Variants in PLXNC1 observed in about 807,000 individuals in gnomAD.
PLXNC1 encodes plexin C1.
PLXNC1 carries 75 observed loss-of-function variants against 178.2 expected under a neutral mutation model. The observed-to-expected ratio is 0.42, with a 90% CI of 0.35 to 0.51. PLXNC1 has a LOEUF of 0.51. Among genes scored for constraint, PLXNC1 ranks in the 20% least tolerant of loss-of-function variants. The pLI is 0.02. For missense variants in PLXNC1, 1,503 were observed against 1,984.4 expected (o/e 0.76, Z 4.61); for synonymous variants, 790 against 779.9 (o/e 1.01, Z -0.22).
intron 4 of PLXNC1, among the ~76,000 whole-genome samples, chr12:94,195,097 G>A (rs538594243): frequency 6.6e-6 from 1 of 152,130 alleles, no homozygotes; most frequent in East Asian, 1.9e-4. Flanking sequence ...GAAGTGGGTG[G>A]AGATGCTGGG....
At chr12:94,244,782 T>C (rs2136057838) in intron 12 of PLXNC1, among the ~76,000 whole-genome samples, 1 of 152,350 alleles carries the variant, frequency 6.6e-6, no homozygotes, top group Non-Finnish European at 1.5e-5. Context: ...AAAAAAGTCC[T>C]CACATTCAAA....
At chr12:94,236,360 CTGTT>C (rs1304477227) in intron 9 of PLXNC1, among the ~76,000 whole-genome samples, 11 of 152,192 alleles carry the variant, frequency 7.2e-5, no homozygotes. Flanking sequence ...GAGAAAATGT[CTGTT>C]TGAGCAGGAT....
intron 1 of PLXNC1, among the ~76,000 whole-genome samples, chr12:94,167,157 G>C (rs1961646879): frequency 6.6e-6 from 1 of 152,164 alleles, no homozygotes; most frequent in Non-Finnish European, 1.5e-5. Context: ...TTTAGCTTTT[G>C]AGCTGCCTCT....
intron 21 of PLXNC1, among the ~76,000 whole-genome samples, chr12:94,268,685 C>G (rs35270825): frequency 6.8e-6 from 1 of 147,614 alleles, no homozygotes; most frequent in Non-Finnish European, 1.5e-5. Context: ...ACCTCCGCCT[C>G]TGGGGTTCAA....
At chr12:94,185,210 C>G (rs955214940) in intron 3 of PLXNC1, among the ~76,000 whole-genome samples, 1 of 152,164 alleles carries the variant, frequency 6.6e-6, no homozygotes, top group African/African-American at 2.4e-5. Flanking sequence ...CATCTGTCAG[C>G]AGTGTTGGGG....
In PLXNC1 at chr12:94,251,213, C is replaced by T. The variant is rs138864521; in HGVS notation, c.2779-213C>T. Among the ~76,000 whole-genome samples, 421 of 152,298 alleles carry T rather than the reference C, an allele frequency of 2.8e-3. 3 individuals are homozygous for T. The highest frequency in any genetic ancestry group is 5.1e-3 in the Non-Finnish European group (345 of 68,016). On this transcript the variant is annotated intron_variant, in intron 14 of 30. Transcript: ENST00000258526. ...TCTGAGGGTCTAGTCCAGCATGTGT[C>T]AACTGACATTTCAGGAAACTGAGGC...
chr12:94,197,977 A>G (rs1261950794), intron 4 of PLXNC1, among the ~76,000 whole-genome samples: 3 of 152,132 alleles, frequency 2.0e-5, no homozygotes, highest in Non-Finnish European at 4.4e-5. Flanking sequence ...CATTCATTTA[A>G]CAGGTATTTA....
At chr12:94,188,544 G>A (rs1447536840) in intron 4 of PLXNC1, among the ~76,000 whole-genome samples, 1 of 152,000 alleles carries the variant, frequency 6.6e-6, no homozygotes, top group African/African-American at 2.4e-5. Flanking sequence ...GGTTGGTCTC[G>A]AACTCCTGAC....
At chr12:94,178,865 C>T (rs2135956364) in intron 2 of PLXNC1, among the ~76,000 whole-genome samples, 1 of 152,292 alleles carries the variant, frequency 6.6e-6, no homozygotes, top group East Asian at 1.9e-4. Flanking sequence ...ACACACCTTT[C>T]CCACCTCCCT....
In PLXNC1 at chr12:94,248,371, A is replaced by G; in HGVS notation, c.2737A>G (p.Lys913Glu). Residue 913 changes from lysine to glutamate, a missense_variant, in exon 14 of 31, where the codon AAG becomes GAG. Around this residue, in one of 4 missense-constraint regions of PLXNC1, gnomAD observed 639 missense variants for 979.7 expected, o/e 0.65. Transcript: ENST00000258526. ...TTILCKIKGI[K>E]TASTIANSSK... ...CATCCTTTGCAAAATTAAAGGCATC[A>G]AGACTGCAAGCACCATTGCCAACTC... 1 of 1,612,138 alleles carries G rather than the reference A, an allele frequency of 6.2e-7. No homozygotes were observed. The highest frequency in any genetic ancestry group is 8.5e-7 in the Non-Finnish European group (1 of 1,179,476).
In PLXNC1 at chr12:94,291,879, C is replaced by T. The variant is rs116966372; in HGVS notation, c.3880-2607C>T. 3.3e-5 allele frequency among the ~76,000 whole-genome samples: 5 copies of T among 152,284 alleles called. No individual in the cohort carries two copies. The East Asian group carries it at 9.7e-4, about 29-fold the overall frequency. ...ATCACCCAGTGAACGTAGTACCCAACAGGAACTTTTTCAGCCCTTGCCCCA... is the reference window on the plus strand; with the variant it reads ...ATCACCCAGTGAACGTAGTACCCAATAGGAACTTTTTCAGCCCTTGCCCCA... On this transcript the variant is annotated intron_variant, in intron 23 of 30. Coordinates refer to ENST00000258526, the MANE Select transcript of PLXNC1 (RefSeq NM_005761.3).
At chr12:94,268,693 C>T (rs1381532753) in intron 21 of PLXNC1, among the ~76,000 whole-genome samples, 1 of 144,456 alleles carries the variant, frequency 6.9e-6, no homozygotes, top group Non-Finnish European at 1.5e-5. Flanking sequence ...CTCTGGGGTT[C>T]AAGCGATTCT....
At chr12:94,166,054 G>A (rs754495125) in intron 1 of PLXNC1, among the ~76,000 whole-genome samples, 37 of 152,066 alleles carry the variant, frequency 2.4e-4, no homozygotes, top group Non-Finnish European at 4.7e-4. Flanking sequence ...CTGGCAATAG[G>A]GAATGGAGCT....
intron 1 of PLXNC1, among the ~76,000 whole-genome samples, chr12:94,157,929 T>C (rs1592718076): frequency 6.6e-6 from 1 of 152,376 alleles, no homozygotes; most frequent in Non-Finnish European, 1.5e-5. Flanking sequence ...CCTGTAATTT[T>C]CACTTGTCAT....
intron 4 of PLXNC1, among the ~76,000 whole-genome samples, chr12:94,195,597 A>G (rs1348993212): frequency 2.0e-5 from 3 of 152,068 alleles, no homozygotes; most frequent in Admixed American, 2.0e-4. Flanking sequence ...AGGTATCTGT[A>G]TGCGTCCTTC....
At chr12:94,179,899 C>G (rs1447512803) in intron 2 of PLXNC1, among the ~76,000 whole-genome samples, 3 of 152,018 alleles carry the variant, frequency 2.0e-5, no homozygotes, top group Non-Finnish European at 4.4e-5. Flanking sequence ...ACTATTAGCC[C>G]CATTTTAGAG....
chr12:94,251,453 G>A lies in PLXNC1; in HGVS notation c.2806G>A (p.Val936Ile), dbSNP rs769118347. ...CAAGCTGGGAAACCTGGAGCTCTAC[G>A]TCGAGCAGGAGTCAGTTCCTTCCAC... ...RVKLGNLELY[V>I]EQESVPSTWY... is the part of the protein sequence containing the mutation. The change falls in exon 15 of 31, where the codon GTC becomes ATC. Residue 936 changes from valine to isoleucine, a missense_variant. By Grantham distance (29) the Val-to-Ile change is conservative. Around this residue, in one of 4 missense-constraint regions of PLXNC1, gnomAD observed 639 missense variants for 979.7 expected, o/e 0.65. Coordinates refer to ENST00000258526, the MANE Select transcript of PLXNC1 (RefSeq NM_005761.3). The A allele has an allele frequency of 8.1e-6, 13 of 1,613,008 alleles. No homozygotes were observed. Among genetic ancestry groups the A allele is most frequent in the Admixed American group, 1.7e-5 (1 of 60,014 alleles).
intron 8 of PLXNC1, 78 bp from the exon 9 acceptor site, chr12:94,227,071 C>T: frequency 1.0e-6 from 1 of 954,782 alleles, no homozygotes; most frequent in Admixed American, 1.8e-5. Flanking sequence ...CTGCCTGGTC[C>T]TACCTTCTCT....
intron 4 of PLXNC1, among the ~76,000 whole-genome samples, chr12:94,196,477 C>T (rs1025972351): frequency 5.9e-5 from 9 of 152,284 alleles, no homozygotes; most frequent in African/African-American, 1.7e-4. Context: ...TCCTGAGCCC[C>T]TCACCAGGAG....
Sources: gnomAD v4.1 joint callset for allele counts (sites outside exome capture counted in the v4.1 genomes callset) on GRCh38, gnomAD v4.1.1 for gene constraint, gnomAD v4.1.1 regional missense constraint, MANE v1.5 for transcripts, NCBI Gene and HGNC (gene_info 2026-07-23, HGNC 2026-07-21) for gene names.